VIT: variants seen among roughly 807,000 people sequenced by gnomAD.
The protein encoded by VIT is vitrin.
VIT carries 99 observed loss-of-function variants against 78.0 expected under a neutral mutation model. The ratio of observed to expected loss-of-function variants is 1.27; its 90% confidence interval spans 1.08 to 1.50. The LOEUF (loss-of-function observed/expected upper bound fraction) is 1.50, where lower values mean the gene tolerates loss of function less well. VIT is among the 40% of genes most tolerant of loss of function. The pLI is 0.00. For missense variants in VIT, 1,126 were observed against 875.3 expected, an observed-to-expected ratio of 1.29 and a Z score of -3.61; for synonymous variants, 374 against 334.3, an observed-to-expected ratio of 1.12 and a Z score of -1.29.
At chr2:36,747,074 G>A (rs1374144733) in intron 4 of VIT, among the ~76,000 whole-genome samples, 2 of 152,134 alleles carry the variant, frequency 1.3e-5, no homozygotes, top group Non-Finnish European at 2.9e-5. Flanking sequence ...TCATTCAGGA[G>A]TAGGTTGTTT....
rs1472099317 is a variant in VIT at position 36,787,124 on chromosome 2, C to A, written c.911-5C>A. On this transcript the variant is annotated splice_region_variant and splice_polypyrimidine_tract_variant and intron_variant, in intron 11 of 15. Coordinates refer to ENST00000379242, the MANE Select transcript of VIT (RefSeq NM_053276.4). ...AGAATAATAGAGTCTTTTTCCGTTC[C>A]GCAGACTGCAAAATTGACTTGTCGT... 3 of 1,613,884 alleles carry A rather than the reference C, an allele frequency of 1.9e-6. No homozygotes were observed. In the South Asian group the frequency reaches 3.3e-5, roughly 18 times the overall value.
intron 12 of VIT, among the ~76,000 whole-genome samples, chr2:36,798,486 G>C (rs1185764188): frequency 6.6e-6 from 1 of 152,250 alleles, no homozygotes; most frequent in Non-Finnish European, 1.5e-5. Context: ...GCCACGTACA[G>C]TGGCTCATGC....
intron 7 of VIT, among the ~76,000 whole-genome samples, chr2:36,768,125 C>T (rs368881911): frequency 1.6e-4 from 25 of 152,298 alleles, no homozygotes; most frequent in Non-Finnish European, 2.6e-4. Flanking sequence ...ACCTATCCAT[C>T]TTCTTATTTA....
chr2:36,775,463 T>C (rs746413360), intron 9 of VIT, among the ~76,000 whole-genome samples: 6 of 152,164 alleles, frequency 3.9e-5, no homozygotes, highest in Non-Finnish European at 7.4e-5. Flanking sequence ...AGGAGGCACA[T>C]AACCTGATTT....
intron 12 of VIT, among the ~76,000 whole-genome samples, chr2:36,796,692 C>T (rs1305874682): frequency 6.6e-6 from 1 of 151,894 alleles, no homozygotes; most frequent in Non-Finnish European, 1.5e-5. Context: ...GTCTCCAACT[C>T]CTGAGCTCAA....
At chr2:36,713,346 G>T (rs952644642) in intron 1 of VIT, among the ~76,000 whole-genome samples, 4 of 152,194 alleles carry the variant, frequency 2.6e-5, no homozygotes, top group South Asian at 4.1e-4. Flanking sequence ...ACAGCCAAGA[G>T]GCCGGTGTGG....
chr2:36,708,464 G>T (rs1665590353), intron 1 of VIT, among the ~76,000 whole-genome samples: 2 of 152,124 alleles, frequency 1.3e-5, no homozygotes, highest in South Asian at 4.1e-4. Context: ...CAAGCGAGTG[G>T]CTCAAGTAAG....
At chr2:36,737,668 G>C (rs552369124) in intron 3 of VIT, among the ~76,000 whole-genome samples, 3 of 152,328 alleles carry the variant, frequency 2.0e-5, no homozygotes, top group South Asian at 2.1e-4. Context: ...GGCATGAAGA[G>C]GTCATTGTTC....
In VIT at chr2:36,805,660, A is replaced by C. The variant is rs1456157974; in HGVS notation, c.1385A>C (p.Asn462Thr). The change falls in exon 14 of 16, where the codon AAC (asparagine) becomes ACC (threonine). Residue 462 changes from asparagine (N) to threonine (T), a missense_variant. By Grantham distance (65) the Asn-to-Thr change is moderately conservative. Transcript: ENST00000379242. ...KQYVVEPNFA[N>T]KAVCRTNGFY... Reference sequence around the variant, plus strand: ...TATGTGGTGGAGCCCAACTTTGCAAACAAGGTAGATGACTGCCCGGAGACC... The same window carrying C: ...TATGTGGTGGAGCCCAACTTTGCAACCAAGGTAGATGACTGCCCGGAGACC... The C allele has an allele frequency of 6.2e-7, 1 of 1,612,942 alleles. No homozygotes were observed. The highest frequency in any genetic ancestry group is 8.5e-7 in the Non-Finnish European group (1 of 1,179,288).
intron 2 of VIT, among the ~76,000 whole-genome samples, chr2:36,722,939 T>C (rs2148466640): frequency 6.6e-6 from 1 of 151,562 alleles, no homozygotes; most frequent in Non-Finnish European, 1.5e-5. Context: ...TGTAATTATA[T>C]CAATTTATCA....
intron 4 of VIT, among the ~76,000 whole-genome samples, chr2:36,745,708 T>C (rs1312430363): frequency 6.6e-6 from 1 of 152,110 alleles, no homozygotes; most frequent in Non-Finnish European, 1.5e-5. Context: ...AGCCTTTTGG[T>C]GGAGTCTTTA....
Position 36,718,701 on chromosome 2 carries a change from C to T in VIT, c.52+2279C>T, listed in dbSNP as rs546786000. Among the ~76,000 whole-genome samples the T allele has an allele frequency of 9.2e-5, 14 of 152,326 alleles. No individual in the cohort carries two copies. In the South Asian group the frequency reaches 2.9e-3, roughly 32 times the overall value. ...GGCCATGAGAAGCCCTGAGGAACTTCTAGGTACCTGGACCAGGAGCCCTCC... is the reference window on the plus strand; with the variant it reads ...GGCCATGAGAAGCCCTGAGGAACTTTTAGGTACCTGGACCAGGAGCCCTCC... On this transcript the variant is annotated intron_variant, in intron 2 of 15. Transcript: ENST00000379242.
At chr2:36,743,417 G>T (rs1667956553) in intron 4 of VIT, among the ~76,000 whole-genome samples, 161 bp downstream of exon 4, 1 of 152,166 alleles carries the variant, frequency 6.6e-6, no homozygotes, top group Non-Finnish European at 1.5e-5. Flanking sequence ...ACTGGATATA[G>T]AAATCTAGCC....
chr2:36,704,280 G>A (rs969459797), intron 1 of VIT, among the ~76,000 whole-genome samples: 1 of 152,114 alleles, frequency 6.6e-6, no homozygotes, highest in African/African-American at 2.4e-5. Flanking sequence ...TCTGATGAAT[G>A]GGTGCAATAG....
chr2:36,803,767 A>G (rs911770044), intron 13 of VIT, among the ~76,000 whole-genome samples: 1 of 152,196 alleles, frequency 6.6e-6, no homozygotes, highest in South Asian at 2.1e-4. Flanking sequence ...CATTGAGTAT[A>G]ATACTACTAA....
intron 3 of VIT, among the ~76,000 whole-genome samples, chr2:36,732,459 C>T (rs928603014): frequency 2.0e-5 from 3 of 152,148 alleles, no homozygotes; most frequent in African/African-American, 4.8e-5. Context: ...TCCCAAAACT[C>T]GGAGATATCT....
intron 2 of VIT, among the ~76,000 whole-genome samples, chr2:36,722,506 G>A (rs940237311): frequency 3.3e-5 from 5 of 152,204 alleles, no homozygotes; most frequent in African/African-American, 9.7e-5. Flanking sequence ...TTTATTTGAT[G>A]CTAAATGTTT....
At chr2:36,748,324 T>G (rs1162904339) in intron 4 of VIT, among the ~76,000 whole-genome samples, 1 of 152,248 alleles carries the variant, frequency 6.6e-6, no homozygotes, top group Non-Finnish European at 1.5e-5. Context: ...ATATCTTTTC[T>G]AAGTTGCTTA....
At chr2:36,808,246 G>T (rs1156318745) in intron 14 of VIT, among the ~76,000 whole-genome samples, 1 of 152,200 alleles carries the variant, frequency 6.6e-6, no homozygotes, top group Non-Finnish European at 1.5e-5. Context: ...CACTAACGCA[G>T]GCAGGGACTC....
Sources: gnomAD v4.1 joint callset for allele counts (sites outside exome capture counted in the v4.1 genomes callset) on GRCh38, gnomAD v4.1.1 for gene constraint, MANE v1.5 for transcripts, NCBI Gene and HGNC (gene_info 2026-07-23, HGNC 2026-07-21) for gene names.